The following SGK1 variants were observed in gnomAD, a reference collection of about 807,000 sequenced individuals.
SGK1 encodes the protein serine/threonine-protein kinase Sgk1.
A neutral mutation model predicts 64.2 loss-of-function variants in SGK1; 26 were observed. The observed-to-expected ratio is 0.40, with a 90% CI of 0.30 to 0.56. The LOEUF (loss-of-function observed/expected upper bound fraction) is 0.56, where lower values mean the gene tolerates loss of function less well. SGK1 is among the 20% of genes least tolerant of loss of function. The pLI is 0.38. For synonymous variants in SGK1, 265 were observed against 239.7 expected (o/e 1.11, Z -0.98); for missense variants, 519 against 645.6 (o/e 0.80, Z 2.12).
rs1037779684 is a variant in SGK1 at position 134,307,437 on chromosome 6, C to T, written c.69+9955G>A. Among the ~76,000 whole-genome samples the T allele has an allele frequency of 2.6e-5, 4 of 152,188 alleles. No homozygotes were observed. In the East Asian group the frequency reaches 7.7e-4, roughly 29 times the overall value. On this transcript the variant is annotated intron_variant, in intron 1 of 13. Transcript: ENST00000367858. The stretch of plus-strand genomic sequence containing the variant: ...GAAATTCATTTACAGATTGTTACTA[C>T]AATTGTCCCTCAGTCTCTGCGGGGG...
At chr6:134,189,225 TGTGC>T (rs755941031) in intron 3 of SGK1, among the ~76,000 whole-genome samples, 3 of 143,152 alleles carry the variant, frequency 2.1e-5, no homozygotes, top group Non-Finnish European at 3.1e-5. Flanking sequence ...TGTGTGTGTG[TGTGC>T]GTGTGCGTGT....
chr6:134,173,676 C>T (rs558369866), intron 5 of SGK1, 110 bp from the exon 6 acceptor site: 217 of 722,646 alleles, frequency 3.0e-4, no homozygotes, highest in Non-Finnish European at 4.6e-4. Context: ...ATGCAAATGA[C>T]CATACATCTA....
chr6:134,226,356 GT>G (rs142221226), intron 2 of SGK1, among the ~76,000 whole-genome samples: 4,060 of 150,740 alleles, frequency 0.027, 79 homozygotes, highest in Non-Finnish European at 0.039. Context: ...CCAAAAAGGT[GT>G]TTTTTTTTCT....
chr6:134,175,027 C>A, intron 3 of SGK1: 1 of 848,530 alleles, frequency 1.2e-6, no homozygotes, highest in Non-Finnish European at 1.7e-6. Flanking sequence ...GGTTCTGTCC[C>A]CATTGAGAGG....
intron 3 of SGK1, chr6:134,177,952 A>C (rs975970724): frequency 1.6e-5 from 14 of 895,172 alleles, no homozygotes; most frequent in Non-Finnish European, 2.3e-5. Context: ...CCATTGCGAC[A>C]TCACTCAGAA....
intron 2 of SGK1, among the ~76,000 whole-genome samples, chr6:134,226,528 A>G (rs1776182739): frequency 6.6e-6 from 1 of 151,688 alleles, no homozygotes; most frequent in South Asian, 2.1e-4. Context: ...TTGTCTCTAC[A>G]AAAAAAGTAC....
At chr6:134,179,363 T>C (rs906449942) in intron 3 of SGK1, among the ~76,000 whole-genome samples, 2 of 152,096 alleles carry the variant, frequency 1.3e-5, no homozygotes, top group Non-Finnish European at 2.9e-5. Flanking sequence ...AACCTTTCCC[T>C]GGAACACCCT....
chr6:134,289,183 G>T (rs1487283558), intron 1 of SGK1, among the ~76,000 whole-genome samples: 1 of 152,200 alleles, frequency 6.6e-6, no homozygotes, highest in Non-Finnish European at 1.5e-5. Context: ...ATAGGGGCTG[G>T]AAAAAACTCT....
chr6:134,289,229 G>T (rs762707883), intron 1 of SGK1, among the ~76,000 whole-genome samples: 5 of 152,170 alleles, frequency 3.3e-5, no homozygotes, highest in Non-Finnish European at 5.9e-5. Flanking sequence ...TGTGGAGTTC[G>T]GCTGCACATT....
intron 2 of SGK1, among the ~76,000 whole-genome samples, chr6:134,234,645 G>A (rs1426121382): frequency 6.6e-6 from 1 of 152,120 alleles, no homozygotes; most frequent in Admixed American, 6.6e-5. Flanking sequence ...GGGAGGCCGG[G>A]GCGGGTGGAT....
intron 1 of SGK1, among the ~76,000 whole-genome samples, chr6:134,295,634 C>T (rs1290109781): frequency 6.6e-6 from 1 of 151,194 alleles, no homozygotes; most frequent in Non-Finnish European, 1.5e-5. Context: ...ACCTGGGACC[C>T]GGAGGTTGCA....
rs368663146 is a variant in SGK1, at chr6:134,171,015, T to C, written c.1323+8A>G. The C allele has an allele frequency of 1.7e-5, 27 of 1,613,766 alleles. No individual in the cohort carries two copies. The African/African-American group carries it at 3.3e-4, about 20-fold the overall frequency. ...GCCGGCCCAGGAGGACAGGAAAACA[T>C]CACTCACGAAGTCATCCTTGGCCCC... On this transcript the variant is annotated splice_region_variant and intron_variant, in intron 12 of 13. Coordinates refer to ENST00000367858, the MANE Select transcript of SGK1 (RefSeq NM_001143676.3).
intron 1 of SGK1, among the ~76,000 whole-genome samples, chr6:134,268,515 G>C (rs1037586807): frequency 6.6e-6 from 1 of 151,602 alleles, no homozygotes; most frequent in Non-Finnish European, 1.5e-5. Context: ...GAGGTCAGTA[G>C]ATCGAGACCA....
intron 3 of SGK1, among the ~76,000 whole-genome samples, chr6:134,177,237 AAAC>A (rs1475041026): frequency 1.8e-5 from 2 of 109,150 alleles, no homozygotes; most frequent in African/African-American, 8.0e-5. Context: ...AACAAAAACA[AAAC>A]AAAAACAAAA....
At chr6:134,236,488 A>C (rs569782859) in intron 2 of SGK1, among the ~76,000 whole-genome samples, 1 of 152,120 alleles carries the variant, frequency 6.6e-6, no homozygotes, top group Non-Finnish European at 1.5e-5. Context: ...TTAGCTGGGC[A>C]TGGTGACACG....
intron 1 of SGK1, among the ~76,000 whole-genome samples, chr6:134,266,274 T>C (rs1323877463): frequency 6.6e-6 from 1 of 151,518 alleles, no homozygotes. Flanking sequence ...CGTGAGCAAC[T>C]GCACCTGGCC....
At chr6:134,259,923 T>C (rs577487280) in intron 2 of SGK1, 1 of 152,338 alleles carries the variant, frequency 6.6e-6, no homozygotes, top group East Asian at 1.9e-4. Flanking sequence ...AAGTCTAATA[T>C]AGTGTTACAG....
chr6:134,210,993 C>T (rs558849344), intron 2 of SGK1, among the ~76,000 whole-genome samples: 1 of 151,742 alleles, frequency 6.6e-6, no homozygotes, highest in African/African-American at 2.4e-5. Context: ...GGTGTGGGGG[C>T]ACACGCCTGT....
intron 2 of SGK1, among the ~76,000 whole-genome samples, chr6:134,236,384 T>C (rs1250344382): frequency 6.6e-6 from 1 of 152,136 alleles, no homozygotes; most frequent in Non-Finnish European, 1.5e-5. Flanking sequence ...TAAGCACTTT[T>C]GGGAAGCTGA....
Sources: gnomAD v4.1 joint callset for allele counts (sites outside exome capture counted in the v4.1 genomes callset) on GRCh38, gnomAD v4.1.1 for gene constraint, MANE v1.5 for transcripts, NCBI Gene and HGNC (gene_info 2026-07-23, HGNC 2026-07-21) for gene names.